The following JADE1 variants were observed in gnomAD, a reference collection of about 807,000 sequenced individuals.
JADE1 encodes the protein protein Jade-1.
In JADE1, 14 loss-of-function variants were observed where a neutral mutation model predicts 81.8. The observed-to-expected ratio is 0.17, with a 90% CI of 0.11 to 0.27. The LOEUF is 0.27. Among genes scored for constraint, JADE1 ranks in the 10% least tolerant of loss-of-function variants. The probability of loss-of-function intolerance (pLI) is 1.00; values close to 1 mark genes in which losing one functional copy is unlikely to be tolerated. For missense variants in JADE1, 690 were observed against 1,047.9 expected (o/e 0.66, Z 4.71); for synonymous variants, 353 against 391.9 (o/e 0.90, Z 1.17).
intron 1 of JADE1, among the ~76,000 whole-genome samples, chr4:128,825,585 A>G (rs1402943198): frequency 6.6e-6 from 1 of 152,196 alleles, no homozygotes; most frequent in Non-Finnish European, 1.5e-5. Context: ...TCTCATGTGC[A>G]TGTAAGCAGT....
chr4:128,830,954 G>T (rs1284234658), intron 1 of JADE1, among the ~76,000 whole-genome samples: 1 of 152,152 alleles, frequency 6.6e-6, no homozygotes, highest in Non-Finnish European at 1.5e-5. Context: ...TGTACAAACT[G>T]ACTTCTTATT....
At chr4:128,860,876 T>A (rs1323680086) in intron 8 of JADE1, among the ~76,000 whole-genome samples, 1 of 152,184 alleles carries the variant, frequency 6.6e-6, no homozygotes, top group Non-Finnish European at 1.5e-5. Context: ...AGGATCGGCG[T>A]GCACCGATCT....
intron 9 of JADE1, among the ~76,000 whole-genome samples, chr4:128,865,417 G>T (rs1240882357): frequency 6.6e-6 from 1 of 152,178 alleles, no homozygotes; most frequent in African/African-American, 2.4e-5. Context: ...AGTGCACCTG[G>T]AGATGGTTTA....
intron 4 of JADE1, among the ~76,000 whole-genome samples, chr4:128,848,509 C>G (rs1202798791): frequency 1.3e-5 from 2 of 152,176 alleles, no homozygotes; most frequent in South Asian, 2.1e-4. Context: ...CCCTCTCTCC[C>G]TCTTTTTTTT....
chr4:128,819,727 G>A (rs114129195), intron 1 of JADE1, among the ~76,000 whole-genome samples: 1,931 of 152,340 alleles, frequency 0.013, 51 homozygotes, highest in African/African-American at 0.045. Flanking sequence ...CTGTGTTTCA[G>A]TTTTCAAGTT....
At chr4:128,817,208 T>C (rs568342600) in intron 1 of JADE1, among the ~76,000 whole-genome samples, 2 of 152,172 alleles carry the variant, frequency 1.3e-5, no homozygotes, top group South Asian at 4.2e-4. Flanking sequence ...TCTCTTTGTA[T>C]TTTTTGTTAG....
At chr4:128,859,437 A>G (rs957743484) in intron 8 of JADE1, among the ~76,000 whole-genome samples, 1 of 151,936 alleles carries the variant, frequency 6.6e-6, no homozygotes. Flanking sequence ...ATATGTATGC[A>G]TGTGTGTATG....
chr4:128,857,238 A>G lies in JADE1; in HGVS notation c.865-100A>G, dbSNP rs114387632. The G allele has an allele frequency of 1.5e-3, 1,320 of 901,844 alleles. 16 individuals are homozygous for G. In the African/African-American group the frequency reaches 0.019, roughly 13 times the overall value. 55.9% of individuals were successfully genotyped at this position (901,844 alleles called of 1,614,324 possible). On this transcript the variant is annotated intron_variant, in intron 7 of 10. Transcript: ENST00000226319. The stretch of plus-strand genomic sequence containing the variant: ...TGGGTGCCCCTTGCCACTGTCTGGT[A>G]GGAGAGATGTAGGAAAGTAATGGAT...
At chr4:128,857,800 C>T (rs1484513181) in intron 8 of JADE1, among the ~76,000 whole-genome samples, 1 of 152,160 alleles carries the variant, frequency 6.6e-6, no homozygotes, top group Non-Finnish European at 1.5e-5. Flanking sequence ...GTGAGATGTT[C>T]CTTGACACGG....
intron 5 of JADE1, among the ~76,000 whole-genome samples, chr4:128,850,158 G>T (rs1002237946): frequency 6.6e-6 from 1 of 151,600 alleles, no homozygotes; most frequent in Admixed American, 6.6e-5. Context: ...GCTAGGCGTC[G>T]TGGTGGGTAT....
At chr4:128,855,340 C>T (rs1023604793) in intron 6 of JADE1, among the ~76,000 whole-genome samples, 2 of 152,178 alleles carry the variant, frequency 1.3e-5, no homozygotes, top group African/African-American at 4.8e-5. Context: ...TCATTTAAAC[C>T]TTTCTGTCCT....
chr4:128,846,674 A>G lies in JADE1; in HGVS notation c.296+142A>G. The G allele has an allele frequency of 1.1e-6, 1 of 873,326 alleles. No homozygotes were observed. The highest frequency in any genetic ancestry group is 1.7e-6 in the Non-Finnish European group (1 of 583,432). 54.1% of individuals were successfully genotyped at this position (873,326 alleles called of 1,614,324 possible). ...AAATATCATGAGGCCTCAAGTGGAA[A>G]TAGAAATTCAGGAGCAACATACTTC... On this transcript the variant is annotated intron_variant, in intron 4 of 10. Coordinates refer to ENST00000226319, the MANE Select transcript of JADE1 (RefSeq NM_199320.4). This position sits in a 1 kb window ranked among gnomAD's most constrained non-coding sequence, Gnocchi z 4.0.
intron 6 of JADE1, among the ~76,000 whole-genome samples, chr4:128,853,137 A>G (rs901758819): frequency 6.6e-6 from 1 of 152,004 alleles, no homozygotes; most frequent in Non-Finnish European, 1.5e-5. Flanking sequence ...TGGCCTTCCA[A>G]AGTGCTGGGA....
rs200016293 is a variant in JADE1 at position 128,871,445 on chromosome 4, A to C, written c.1712A>C (p.Asp571Ala). The C allele has an allele frequency of 1.4e-5, 23 of 1,614,072 alleles. No homozygotes were observed. Among genetic ancestry groups the C allele is most frequent in the Non-Finnish European group, 1.9e-5 (22 of 1,180,026 alleles). The change falls in exon 11 of 11, where the codon GAC (aspartate) becomes GCC (alanine). Residue 571 changes from aspartate to alanine, a missense_variant. By Grantham distance (126) the Asp-to-Ala change is moderately radical. This residue lies in a region of JADE1 where 86 missense variants were observed against 95.4 expected (regional missense o/e 0.90). Coordinates refer to ENST00000226319, the MANE Select transcript of JADE1 (RefSeq NM_199320.4). The surrounding 1 kb of genome is among the most constrained non-coding windows in gnomAD (Gnocchi z 4.1). ...GGCCCTGATGCTCCCAAGATAGAGG[A>C]CTTGAAGTGGCATTCTGCATTCTTC... ...SVGPDAPKIE[D>A]LKWHSAFFRK...
intron 1 of JADE1, among the ~76,000 whole-genome samples, chr4:128,827,127 C>G (rs1300605341): frequency 2.6e-5 from 4 of 152,172 alleles, no homozygotes; most frequent in African/African-American, 9.7e-5. Flanking sequence ...ATCTCCACCT[C>G]TTTTGGAATC....
chr4:128,836,124 C>T (rs1256237733), intron 2 of JADE1, among the ~76,000 whole-genome samples: 1 of 152,138 alleles, frequency 6.6e-6, no homozygotes, highest in African/African-American at 2.4e-5. Context: ...GCCCAGGATC[C>T]TGTCCTTAGG....
chr4:128,823,493 C>T (rs1387422389), intron 1 of JADE1, among the ~76,000 whole-genome samples: 1 of 152,090 alleles, frequency 6.6e-6, no homozygotes, highest in Non-Finnish European at 1.5e-5. Context: ...GGTCAGTTAT[C>T]ATAATTTTTT....
At chr4:128,866,211 G>T (rs1482002691) in intron 9 of JADE1, among the ~76,000 whole-genome samples, 4 of 152,192 alleles carry the variant, frequency 2.6e-5, no homozygotes, top group Admixed American at 6.5e-5. Flanking sequence ...CCTTAACTAG[G>T]CTGATTGACA....
chr4:128,826,369 T>C (rs1728066398), intron 1 of JADE1, among the ~76,000 whole-genome samples: 1 of 42,238 alleles, frequency 2.4e-5, no homozygotes, highest in Non-Finnish European at 4.1e-5. Context: ...GTTATGTCTT[T>C]TTTTTTGAAA....
Sources: allele counts gnomAD v4.1 joint callset (sites outside exome capture counted in the v4.1 genomes callset), GRCh38; gene constraint gnomAD v4.1.1; regional missense constraint gnomAD v4.1.1; non-coding constraint Gnocchi (gnomAD v3.1); transcripts MANE v1.5; gene names NCBI Gene and HGNC (gene_info 2026-07-23, HGNC 2026-07-21).